Variants in DGKH observed in about 807,000 individuals in gnomAD.
DGKH encodes the protein diacylglycerol kinase eta, also known as DAG kinase eta.
DGKH carries 90 observed loss-of-function variants against 159.3 expected under a neutral mutation model. That is an observed-to-expected ratio of 0.57 (90% CI 0.48 to 0.67). DGKH has a LOEUF of 0.67. DGKH is among the 30% of genes least tolerant of loss of function. DGKH has a pLI of 0.00. For synonymous variants in DGKH, 536 were observed against 553.8 expected (o/e 0.97, Z 0.45); for missense variants, 1,181 against 1,506.1 (o/e 0.78, Z 3.57).
intron 20 of DGKH, among the ~76,000 whole-genome samples, chr13:42,200,288 G>T (rs182295854): frequency 9.2e-5 from 14 of 152,230 alleles, no homozygotes; most frequent in East Asian, 3.9e-4. Flanking sequence ...GAAGTAAATA[G>T]AATCTTTTAA....
intron 13 of DGKH, among the ~76,000 whole-genome samples, chr13:42,184,874 T>C (rs1254903687): frequency 3.0e-5 from 2 of 65,602 alleles, no homozygotes; most frequent in African/African-American, 1.1e-4. Flanking sequence ...TCTCTAAAAA[T>C]GTTTTTTTTT....
In DGKH at chr13:42,225,416, A is replaced by G. The variant is rs78346199; in HGVS notation, c.3574-3683A>G. On this transcript the variant is annotated intron_variant, in intron 29 of 29. Transcript: ENST00000337343. ...TATGTATGGCTGGAAGGATAACTGA[A>G]TATCTACAAAGCATGCTTTGTCAAA... 2.7e-3 allele frequency: 3,275 copies of G among 1,213,562 alleles called. 63 individuals are homozygous for G. The East Asian group carries it at 0.043, about 16-fold the overall frequency. The allele number at this position is 1,213,562 out of a possible 1,614,324, so 75.2% of individuals were successfully genotyped here. A position where few individuals can be genotyped will look rare whatever the true frequency, so the allele number is the denominator to read the frequency against.
chr13:42,077,653 T>G (rs1954125367), intron 1 of DGKH, among the ~76,000 whole-genome samples: 1 of 152,152 alleles, frequency 6.6e-6, no homozygotes, highest in Non-Finnish European at 1.5e-5. Context: ...AAAGTTAGAG[T>G]GATTTAGGTC....
Position 42,206,133 on chromosome 13 carries a change from C to A in DGKH, c.2588C>A (p.Thr863Asn). ...YAGGTNFWGGTKEDDIFAAPS... is the reference protein window; with the variant it reads ...YAGGTNFWGGNKEDDIFAAPS... ...GGAGGCACTAACTTTTGGGGTGGAA[C>A]TAAAGAGGATGATGTAAGTAATGGG... Residue 863 changes from threonine (T) to asparagine (N), a missense_variant, in exon 21 of 30, where the codon ACT becomes AAT. Physicochemically the swap from Thr to Asn is moderately conservative, Grantham distance 65. Coordinates refer to ENST00000337343, the MANE Select transcript of DGKH (RefSeq NM_178009.5). 1 of 1,430,086 alleles carries A rather than the reference C, an allele frequency of 7.0e-7. No individual in the cohort carries two copies. Among genetic ancestry groups the A allele is most frequent in the Non-Finnish European group, 9.2e-7 (1 of 1,083,836 alleles). The allele number at this position is 1,430,086 out of a possible 1,614,324, so 88.6% of individuals were successfully genotyped here. A position where few individuals can be genotyped will look rare whatever the true frequency, so the allele number is the denominator to read the frequency against.
downstream of DGKH, among the ~76,000 whole-genome samples, chr13:42,247,883 G>A (rs549514981): frequency 7.9e-5 from 12 of 152,256 alleles, no homozygotes; most frequent in South Asian, 2.3e-3. Context: ...ATATGTTTGT[G>A]TTTTAATCTA....
At chr13:42,067,099 A>C (rs1372755268) in intron 1 of DGKH, among the ~76,000 whole-genome samples, 1 of 152,172 alleles carries the variant, frequency 6.6e-6, no homozygotes, top group Non-Finnish European at 1.5e-5. Context: ...AGATGTTGTG[A>C]CCAGAGGTTT....
At chr13:42,180,831 A>C (rs964003018) in intron 13 of DGKH, among the ~76,000 whole-genome samples, 18 of 152,222 alleles carry the variant, frequency 1.2e-4, no homozygotes, top group Non-Finnish European at 7.3e-5. Context: ...ATATATGTTA[A>C]ATTTTATTTC....
chr13:42,248,282 C>T (rs1215055532), intron 29 of DGKH, among the ~76,000 whole-genome samples: 3 of 151,956 alleles, frequency 2.0e-5, no homozygotes, highest in African/African-American at 7.3e-5. Flanking sequence ...ATTAGCTGGA[C>T]ATGGTGGCAC....
At chr13:42,109,880 G>A (rs1174844348) in intron 1 of DGKH, among the ~76,000 whole-genome samples, 1 of 152,052 alleles carries the variant, frequency 6.6e-6, no homozygotes, top group Non-Finnish European at 1.5e-5. Context: ...CTTTTTAGGG[G>A]TATCAGTCTG....
chr13:42,159,879 G>C, intron 6 of DGKH, 132 bp from the exon 7 acceptor site: 1 of 1,297,748 alleles, frequency 7.7e-7, no homozygotes, highest in East Asian at 2.5e-5. Context: ...ATAAACGTGG[G>C]GTAAATGAGT....
At position 42,237,210 on chromosome 13, in the gene DGKH, G is replaced by T. The variant is rs1958433696; in HGVS notation, c.*8022G>T. ...TGTTTTGACTTAATGTGAAGCAGGG[G>T]TTTACCAAAGAAAATTGCTTTAATA... On this transcript the variant is annotated 3_prime_UTR_variant, in exon 30 of 30. Coordinates refer to ENST00000337343, the MANE Select transcript of DGKH (RefSeq NM_178009.5). 1 of 152,162 alleles carries T rather than the reference G, an allele frequency of 6.6e-6. No individual in the cohort carries two copies. The highest frequency in any genetic ancestry group is 2.4e-5 in the African/African-American group (1 of 41,438). The allele number at this position is 152,162 out of a possible 1,614,324, so 9.4% of individuals were successfully genotyped here.
intron 16 of DGKH, 97 bp downstream of exon 16, chr13:42,190,622 A>G (rs1957042075): frequency 1.6e-6 from 2 of 1,261,446 alleles, no homozygotes; most frequent in Non-Finnish European, 2.1e-6. Context: ...AACTATTTGT[A>G]TTTTTATTTT....
intron 3 of DGKH, among the ~76,000 whole-genome samples, chr13:42,132,426 GT>G (rs1955307182): frequency 6.6e-6 from 1 of 152,160 alleles, no homozygotes; most frequent in African/African-American, 2.4e-5. Flanking sequence ...CTGAAAGAGG[GT>G]TTCAGAATTT....
intron 28 of DGKH, 27 bp downstream of exon 28, chr13:42,219,821 TATAAC>T: frequency 6.3e-7 from 1 of 1,590,012 alleles, no homozygotes; most frequent in Non-Finnish European, 8.6e-7. Flanking sequence ...GAAGGGGAAA[TATAAC>T]ATTATGAAAA....
At chr13:42,205,285 A>T (rs1471896538) in intron 20 of DGKH, among the ~76,000 whole-genome samples, 1 of 152,230 alleles carries the variant, frequency 6.6e-6, no homozygotes, top group Non-Finnish European at 1.5e-5. Flanking sequence ...TTAAAAAATT[A>T]GTTTCATAAC....
rs143710285 is a variant in DGKH, at chr13:42,067,670, T to G, written c.192+18705T>G. 7.7e-3 allele frequency among the ~76,000 whole-genome samples: 1,167 copies of G among 152,242 alleles called. 10 individuals are homozygous for G. The highest frequency in any genetic ancestry group is 0.026 in the African/African-American group (1,077 of 41,566). On this transcript the variant is annotated intron_variant, in intron 1 of 29. Transcript: ENST00000337343. ...ACTGATCTAGCAATTAATAGTACAT[T>G]TCTTGCTTTTATAGTTGATTTAATT...
chr13:42,149,614 C>T (rs868083300), intron 3 of DGKH, among the ~76,000 whole-genome samples: 1 of 152,186 alleles, frequency 6.6e-6, no homozygotes, highest in Non-Finnish European at 1.5e-5. Flanking sequence ...AATAGGTGAC[C>T]TTCTGCACTT....
chr13:42,157,038 A>G (rs999187668), intron 5 of DGKH, among the ~76,000 whole-genome samples: 1 of 152,232 alleles, frequency 6.6e-6, no homozygotes, highest in African/African-American at 2.4e-5. Context: ...AGTTCAATAA[A>G]TTGGAAGAAG....
intron 1 of DGKH, among the ~76,000 whole-genome samples, chr13:42,111,243 A>G (rs9562377): frequency 0.15 from 22,658 of 152,174 alleles, 1,766 homozygotes; most frequent in Non-Finnish European, 0.17. Flanking sequence ...GACAAAGTAC[A>G]TTAGCAATCA....
Sources: gnomAD v4.1 joint callset for allele counts (sites outside exome capture counted in the v4.1 genomes callset) on GRCh38, gnomAD v4.1.1 for gene constraint, MANE v1.5 for transcripts, NCBI Gene and HGNC (gene_info 2026-07-23, HGNC 2026-07-21) for gene names.